Variants in ASCC3 observed in about 807,000 individuals in gnomAD.
The protein encoded by ASCC3 is activating signal cointegrator 1 complex subunit 3.
In ASCC3, 158 loss-of-function variants were observed where a neutral mutation model predicts 256.3. The observed-to-expected ratio is 0.62, with a 90% CI of 0.54 to 0.70. The LOEUF (loss-of-function observed/expected upper bound fraction) is 0.70, where lower values mean the gene tolerates loss of function less well. ASCC3 is among the 30% of genes least tolerant of loss of function. The probability of loss-of-function intolerance (pLI) is 0.00; values close to 1 mark genes in which losing one functional copy is unlikely to be tolerated. For synonymous variants in ASCC3, 948 were observed against 883.4 expected (o/e 1.07, Z -1.30); for missense variants, 2,259 against 2,626.0 (o/e 0.86, Z 3.05).
chr6:100,783,254 C>CT (rs1562293943), intron 8 of ASCC3, among the ~76,000 whole-genome samples: 1 of 152,106 alleles, frequency 6.6e-6, no homozygotes. Flanking sequence ...CCAGCGTTCT[C>CT]TTTTTTGGTC....
chr6:100,670,634 T>A (rs181898556), intron 14 of ASCC3, among the ~76,000 whole-genome samples: 1 of 129,710 alleles, frequency 7.7e-6, no homozygotes, highest in African/African-American at 3.3e-5. Context: ...TACAACCAAC[T>A]TTTTTTCCCC....
intron 36 of ASCC3, among the ~76,000 whole-genome samples, chr6:100,540,778 C>A (rs960062650): frequency 2.6e-5 from 4 of 151,928 alleles, no homozygotes; most frequent in South Asian, 2.1e-4. Context: ...GTTTGGGGGA[C>A]CTTCTTATTT....
At chr6:100,520,228 T>C (rs1774233883) in intron 37 of ASCC3, among the ~76,000 whole-genome samples, 1 of 152,154 alleles carries the variant, frequency 6.6e-6, no homozygotes, top group South Asian at 2.1e-4. Context: ...TTCCTCTGCT[T>C]AGGTTTCTTT....
At chr6:100,828,783 G>A (rs1771462943) in intron 4 of ASCC3, among the ~76,000 whole-genome samples, 1 of 152,120 alleles carries the variant, frequency 6.6e-6, no homozygotes, top group Non-Finnish European at 1.5e-5. Context: ...CAAAGAGTGA[G>A]CAGCAGCAGG....
At chr6:100,767,032 C>T in intron 9 of ASCC3, 113 bp downstream of exon 9, 2 of 1,104,358 alleles carry the variant, frequency 1.8e-6, no homozygotes, top group Non-Finnish European at 2.7e-6. Context: ...TATTACTTAT[C>T]TGACTTCAAG....
intron 13 of ASCC3, among the ~76,000 whole-genome samples, chr6:100,694,532 T>TA (rs1427633760): frequency 6.6e-6 from 1 of 152,080 alleles, no homozygotes; most frequent in Non-Finnish European, 1.5e-5. Flanking sequence ...AAAGAGTTTA[T>TA]AAAACCATTC....
At chr6:100,733,960 G>T (rs1156337802) in intron 10 of ASCC3, among the ~76,000 whole-genome samples, 1 of 152,070 alleles carries the variant, frequency 6.6e-6, no homozygotes, top group Non-Finnish European at 1.5e-5. Context: ...TACACAAATG[G>T]GACAAAGGAC....
At chr6:100,576,146 G>A (rs886854873) in intron 36 of ASCC3, among the ~76,000 whole-genome samples, 11 of 151,958 alleles carry the variant, frequency 7.2e-5, no homozygotes, top group African/African-American at 1.2e-4. Flanking sequence ...TAATGTCACC[G>A]GTTAACAGTA....
At chr6:100,532,599 C>T (rs1463240941) in intron 37 of ASCC3, among the ~76,000 whole-genome samples, 1 of 151,404 alleles carries the variant, frequency 6.6e-6, no homozygotes, top group African/African-American at 2.4e-5. Flanking sequence ...GCAGATTCTG[C>T]TTGGTATATC....
intron 3 of ASCC3, among the ~76,000 whole-genome samples, chr6:100,859,389 G>A (rs1773115901): frequency 6.6e-6 from 1 of 152,000 alleles, no homozygotes; most frequent in Non-Finnish European, 1.5e-5. Context: ...CTGCCACTTT[G>A]TGGGAAGTAA....
rs1453785738 is a variant in ASCC3, at chr6:100,581,611, T to G, written c.5550+8023A>C. Among the ~76,000 whole-genome samples, 176 of 151,854 alleles carry G rather than the reference T, an allele frequency of 1.2e-3. 1 individual carries two copies. The highest frequency in any genetic ancestry group is 3.4e-3 in the Middle Eastern group (1 of 294). The stretch of plus-strand genomic sequence containing the variant: ...AATTAGATCCCATTTGTCAATTTTG[T>G]CTTTTGTTGCCATTGCTTTTGGTGT... On this transcript the variant is annotated intron_variant, in intron 36 of 41. Transcript: ENST00000369162.
chr6:100,620,040 T>A (rs1773868371), intron 30 of ASCC3, among the ~76,000 whole-genome samples: 1 of 152,108 alleles, frequency 6.6e-6, no homozygotes, highest in Admixed American at 6.6e-5. Flanking sequence ...GTAGTGTATG[T>A]ATGAGTTTGA....
intron 11 of ASCC3, 32 bp downstream of exon 11, chr6:100,725,507 T>G (rs776309440): frequency 1.2e-6 from 2 of 1,607,680 alleles, no homozygotes; most frequent in South Asian, 2.2e-5. Flanking sequence ...ATTTATCCCT[T>G]CAAAATAAGC....
At chr6:100,576,427 A>C (rs1770863996) in intron 36 of ASCC3, among the ~76,000 whole-genome samples, 1 of 152,044 alleles carries the variant, frequency 6.6e-6, no homozygotes, top group Non-Finnish European at 1.5e-5. Flanking sequence ...TATTTCTTAC[A>C]TGTCAATGCT....
chr6:100,844,233 T>G (rs1268912806), intron 4 of ASCC3, among the ~76,000 whole-genome samples: 1 of 150,688 alleles, frequency 6.6e-6, no homozygotes, highest in East Asian at 1.9e-4. Flanking sequence ...TCTTTTGCTT[T>G]GTGACTTTAG....
At chr6:100,624,995 TTATAAA>T (rs1405086870) in intron 30 of ASCC3, among the ~76,000 whole-genome samples, 191 bp downstream of exon 30, 1 of 151,816 alleles carries the variant, frequency 6.6e-6, no homozygotes, top group African/African-American at 2.4e-5. Flanking sequence ...AAGGAAAAAA[TTATAAA>T]TATGAATATA....
intron 16 of ASCC3, among the ~76,000 whole-genome samples, chr6:100,659,670 G>C (rs923187630): frequency 6.6e-5 from 10 of 151,366 alleles, no homozygotes; most frequent in Admixed American, 2.0e-4. Flanking sequence ...CTAAGAAAAA[G>C]AGTTACTTGA....
chr6:100,583,780 ATG>A (rs1771464776), intron 36 of ASCC3, among the ~76,000 whole-genome samples: 1 of 151,990 alleles, frequency 6.6e-6, no homozygotes, highest in African/African-American at 2.4e-5. Context: ...AGATTCTGGT[ATG>A]TGTGTCTTTG....
chr6:100,723,872 A>G lies in ASCC3; in HGVS notation c.1902+1667T>C, dbSNP rs1434288571. 4.6e-4 allele frequency among the ~76,000 whole-genome samples: 36 copies of G among 77,834 alleles called. No homozygotes were observed. The Middle Eastern group carries it at 0.015, about 33-fold the overall frequency. The allele number at this position is 77,834 out of a possible 152,430, so 51.1% of individuals were successfully genotyped here. On this transcript the variant is annotated intron_variant, in intron 11 of 41. Coordinates refer to ENST00000369162, the MANE Select transcript of ASCC3 (RefSeq NM_006828.4). Reference sequence around the variant, plus strand: ...AGTTATTAGGGAATTATATATATATATATATATATATATATATATATATAT... The same window carrying G: ...AGTTATTAGGGAATTATATATATATGTATATATATATATATATATATATAT...
Sources: gnomAD v4.1 joint callset for allele counts (sites outside exome capture counted in the v4.1 genomes callset) on GRCh38, gnomAD v4.1.1 for gene constraint, MANE v1.5 for transcripts, NCBI Gene and HGNC (gene_info 2026-07-23, HGNC 2026-07-21) for gene names.